PCNX2: variants seen among roughly 807,000 people sequenced by gnomAD.
The protein encoded by PCNX2 is pecanex-like protein 2.
A neutral mutation model predicts 223.8 loss-of-function variants in PCNX2; 168 were observed. The ratio of observed to expected loss-of-function variants is 0.75; its 90% confidence interval spans 0.66 to 0.85. The LOEUF (loss-of-function observed/expected upper bound fraction) is 0.85, where lower values mean the gene tolerates loss of function less well. Among genes scored for constraint, PCNX2 ranks in the 40% least tolerant of loss-of-function variants. The pLI, the probability that PCNX2 is intolerant of heterozygous loss-of-function variation, is 0.00. For missense variants in PCNX2, 2,507 were observed against 2,675.5 expected (o/e 0.94, Z 1.39); for synonymous variants, 1,006 against 1,052.6 (o/e 0.96, Z 0.86).
intron 15 of PCNX2, among the ~76,000 whole-genome samples, chr1:233,197,250 C>T (rs530206033): frequency 6.6e-6 from 1 of 152,162 alleles, no homozygotes; most frequent in South Asian, 2.1e-4. Context: ...GAACTTTAAA[C>T]CTGACTTTTA....
intron 1 of PCNX2, among the ~76,000 whole-genome samples, chr1:233,287,695 T>G (rs1295297849): frequency 1.3e-5 from 2 of 152,212 alleles, no homozygotes; most frequent in African/African-American, 4.8e-5. Flanking sequence ...TGGACTAATA[T>G]GCCCACATTG....
chr1:232,986,051 C>T, intron 33 of PCNX2, 41 bp downstream of exon 33: 1 of 1,548,584 alleles, frequency 6.5e-7, no homozygotes, highest in South Asian at 1.2e-5. Context: ...GCCCGTGCCA[C>T]CATCCCAGCC....
intron 24 of PCNX2, 80 bp from the exon 25 acceptor site, chr1:233,054,563 T>C (rs79599759): frequency 0.042 from 48,680 of 1,157,926 alleles, 1,206 homozygotes; most frequent in East Asian, 0.093. Context: ...TGAGTTGTCA[T>C]CTGATTAAGG....
intron 31 of PCNX2, 139 bp downstream of exon 31, chr1:232,998,966 T>C: frequency 1.1e-6 from 1 of 925,672 alleles, no homozygotes; most frequent in Non-Finnish European, 1.6e-6. Flanking sequence ...ATCTGTTCGA[T>C]GCCACTTGGG....
intron 23 of PCNX2, chr1:233,057,962 T>C: frequency 1.0e-6 from 1 of 985,328 alleles, no homozygotes; most frequent in Non-Finnish European, 1.2e-6. Flanking sequence ...TTTCAGGAAA[T>C]GGTGGTGAGT....
intron 21 of PCNX2, among the ~76,000 whole-genome samples, chr1:233,116,739 G>A (rs567540339): frequency 6.6e-6 from 1 of 151,746 alleles, no homozygotes; most frequent in South Asian, 2.1e-4. Flanking sequence ...CACCTCAAGA[G>A]CCCCCCCAAA....
In PCNX2 at chr1:233,279,618, T is replaced by C. The variant is rs1439818267; in HGVS notation, c.153+15708A>G. ...TAATTTTAAAGATTACAAGGTTCTA[T>C]GTGAGTCCTTTGATTTTGTATTTGT... is the stretch of plus-strand genomic sequence containing the variant. On this transcript the variant is annotated intron_variant, in intron 1 of 33. Coordinates refer to ENST00000258229, the MANE Select transcript of PCNX2 (RefSeq NM_014801.4). 3.9e-5 allele frequency among the ~76,000 whole-genome samples: 6 copies of C among 152,100 alleles called. No homozygotes were observed. In the East Asian group the frequency reaches 5.8e-4, roughly 15 times the overall value.
chr1:233,235,669 T>G (rs1043107293), intron 9 of PCNX2, among the ~76,000 whole-genome samples: 2 of 152,168 alleles, frequency 1.3e-5, no homozygotes, highest in African/African-American at 4.8e-5. Context: ...TGGCACGACC[T>G]TGGCTGATTG....
intron 28 of PCNX2, among the ~76,000 whole-genome samples, chr1:233,004,642 G>A (rs888863631): frequency 2.0e-5 from 3 of 152,180 alleles, no homozygotes; most frequent in African/African-American, 4.8e-5. Flanking sequence ...CTCTGAGGAC[G>A]GCTGCTCCTA....
chr1:233,289,265 T>C, intron 1 of PCNX2: 1 of 963,784 alleles, frequency 1.0e-6, no homozygotes, highest in South Asian at 1.3e-5. Context: ...GAACAAAGAT[T>C]ATGATAGCTT....
At chr1:233,134,892 A>C in intron 21 of PCNX2, 121 bp downstream of exon 21, 1 of 850,256 alleles carries the variant, frequency 1.2e-6, no homozygotes, top group Non-Finnish European at 1.8e-6. Context: ...TACATGTATA[A>C]TTCAATTTCA....
At chr1:233,302,657 T>TATATATATATATAC in the PCNX2 span, among the ~76,000 whole-genome samples, 1 of 151,122 alleles carries the variant, frequency 6.6e-6, no homozygotes, top group African/African-American at 2.4e-5. Flanking sequence ...TATATATATA[T>TATATATATATATAC]ATACAGTTAA....
chr1:233,167,461 T>C (rs1678869849), intron 17 of PCNX2, among the ~76,000 whole-genome samples: 1 of 152,128 alleles, frequency 6.6e-6, no homozygotes, highest in Non-Finnish European at 1.5e-5. Flanking sequence ...AGCAGATATG[T>C]AGGATAAACA....
At chr1:233,172,486 C>T in intron 17 of PCNX2, 1 of 985,416 alleles carries the variant, frequency 1.0e-6, no homozygotes. Flanking sequence ...TCTGCTTGCA[C>T]TTCCTGGTGT....
At chr1:233,023,998 A>C (rs1240505370) in intron 26 of PCNX2, among the ~76,000 whole-genome samples, 1 of 152,162 alleles carries the variant, frequency 6.6e-6, no homozygotes, top group Non-Finnish European at 1.5e-5. Context: ...CTGCAGCCTC[A>C]AACTCCTGGG....
chr1:233,313,686 G>C, the PCNX2 span, among the ~76,000 whole-genome samples: 23 of 152,144 alleles, frequency 1.5e-4, no homozygotes, highest in Non-Finnish European at 3.1e-4. Context: ...ATATAAGTTA[G>C]TATACACAGA....
Position 233,263,149 on chromosome 1 carries a change from A to G in PCNX2, c.168T>C (p.Asn56=). 6.2e-7 allele frequency: 1 copy of G among 1,607,602 alleles called. No homozygotes were observed. ...TGCAGTAGAAAAATACAATGATCGC[A>G]TTTGGAGGAAAAGCCTGAAGAAAGG... The part of the protein sequence containing the change: ...PLALHLAFPP[N]AIIVFFYCSA... The change falls in exon 2 of 34, where the codon AAT becomes AAC. Residue 56 remains asparagine, a synonymous_variant. Transcript: ENST00000258229.
chr1:233,050,626 C>T (rs1186976435), intron 25 of PCNX2, among the ~76,000 whole-genome samples: 1 of 152,152 alleles, frequency 6.6e-6, no homozygotes, highest in African/African-American at 2.4e-5. Flanking sequence ...AGCTGGCTAG[C>T]CATGTGCAGA....
chr1:233,113,061 T>C, intron 21 of PCNX2: 2 of 1,229,058 alleles, frequency 1.6e-6, no homozygotes, highest in Middle Eastern at 2.2e-4. Context: ...AATTACACAA[T>C]ACAACACTAA....
Sources: allele counts gnomAD v4.1 joint callset (sites outside exome capture counted in the v4.1 genomes callset), GRCh38; gene constraint gnomAD v4.1.1; transcripts MANE v1.5; gene names NCBI Gene and HGNC (gene_info 2026-07-23, HGNC 2026-07-21).